Variants in CAMK2A observed in about 807,000 individuals in gnomAD.
CAMK2A encodes calcium/calmodulin dependent protein kinase II alpha, also known as calcium/calmodulin-dependent protein kinase type II subunit alpha.
CAMK2A carries 7 observed loss-of-function variants against 79.2 expected under a neutral mutation model. The observed-to-expected ratio is 0.09, with a 90% CI of 0.05 to 0.17. CAMK2A has a LOEUF of 0.17. CAMK2A is among the 10% of genes least tolerant of loss of function. The pLI, the probability that CAMK2A is intolerant of heterozygous loss-of-function variation, is 1.00. For missense variants in CAMK2A, 214 were observed against 646.4 expected (o/e 0.33, Z 7.25); for synonymous variants, 242 against 251.7 (o/e 0.96, Z 0.36).
At chr5:150,259,500 T>C (rs997483258) in intron 3 of CAMK2A, among the ~76,000 whole-genome samples, 6 of 151,898 alleles carry the variant, frequency 4.0e-5, no homozygotes, top group Non-Finnish European at 8.8e-5. Context: ...CCAGCCTAGA[T>C]AATAGAGTGA....
chr5:150,260,962 T>A (rs552226050), intron 3 of CAMK2A, among the ~76,000 whole-genome samples: 7 of 152,308 alleles, frequency 4.6e-5, no homozygotes, highest in African/African-American at 1.7e-4. Context: ...GAAGCCAAGC[T>A]GCAGCTAGAA....
At chr5:150,289,852 G>T, upstream of CAMK2A, 1 of 541,094 alleles carries the variant, frequency 1.8e-6, no homozygotes, top group Non-Finnish European at 3.3e-6. Context: ...CCTCCAAAAC[G>T]CCCTGTTCCC....
Position 150,272,526 on chromosome 5 carries a change from C to A in CAMK2A, c.157+539G>T, listed in dbSNP as rs533488565. ...GGCAGAGGTTGCAGTGAGCCAAGAT[C>A]GCACCATTGCACTCCAGCCTGGGCG... On this transcript the variant is annotated intron_variant, in intron 2 of 18. Transcript: ENST00000671881. 1.1e-3 allele frequency among the ~76,000 whole-genome samples: 164 copies of A among 150,246 alleles called. 3 individuals carry two copies. The highest frequency in any genetic ancestry group is 4.0e-3 in the African/African-American group (161 of 40,706).
chr5:150,249,776 G>A (rs1381445924), intron 11 of CAMK2A, among the ~76,000 whole-genome samples: 3 of 152,162 alleles, frequency 2.0e-5, no homozygotes, highest in African/African-American at 7.2e-5. Context: ...TTGAACTTCT[G>A]ACCTCAGGTG....
intron 3 of CAMK2A, among the ~76,000 whole-genome samples, chr5:150,259,823 G>A (rs992300041): frequency 6.6e-6 from 1 of 151,998 alleles, no homozygotes; most frequent in Non-Finnish European, 1.5e-5. Flanking sequence ...ACAAAAATTA[G>A]CTGGGTGTGG....
chr5:150,238,037 C>A (rs1057183041), intron 15 of CAMK2A, among the ~76,000 whole-genome samples: 11 of 152,184 alleles, frequency 7.2e-5, no homozygotes, highest in Admixed American at 7.2e-4. Flanking sequence ...AAAATCAATT[C>A]ACTTTTCAAA....
rs573791126 is a variant in CAMK2A, at chr5:150,257,499, G to A, written c.272+64C>T. On this transcript the variant is annotated intron_variant, in intron 4 of 18. Transcript: ENST00000671881. The stretch of plus-strand genomic sequence containing the variant: ...GGGAATTCAGCCCAAGAGGTCCAGT[G>A]AGGCCATCACTGGTTAGGCAGCCCC... The A allele has an allele frequency of 6.3e-5, 87 of 1,384,122 alleles. 2 individuals are homozygous for A. In the South Asian group the frequency reaches 1.1e-3, roughly 17 times the overall value. 85.7% of individuals were successfully genotyped at this position (1,384,122 alleles called of 1,614,324 possible). A position where few individuals can be genotyped will look rare whatever the true frequency, so the allele number is the denominator to read the frequency against.
At chr5:150,268,861 G>A (rs1756620290) in intron 2 of CAMK2A, among the ~76,000 whole-genome samples, 1 of 152,132 alleles carries the variant, frequency 6.6e-6, no homozygotes, top group South Asian at 2.1e-4. Context: ...CTGGGCTCAG[G>A]TGATTCTCCC....
chr5:150,226,746 G>C (rs370100997), intron 17 of CAMK2A, among the ~76,000 whole-genome samples: 62 of 86,984 alleles, frequency 7.1e-4, no homozygotes, highest in Non-Finnish European at 1.2e-3. Flanking sequence ...AAAAAAAAAG[G>C]GGGGGGGGGG....
At chr5:150,273,974 T>C (rs1437263802) in intron 1 of CAMK2A, among the ~76,000 whole-genome samples, 7 of 152,228 alleles carry the variant, frequency 4.6e-5, no homozygotes, top group Admixed American at 4.6e-4. Flanking sequence ...GGGGTAGGTG[T>C]TGTTTGCTGA....
At chr5:150,227,356 C>T (rs10073787) in intron 17 of CAMK2A, among the ~76,000 whole-genome samples, 13,872 of 152,202 alleles carry the variant, frequency 0.091, 2,061 homozygotes, top group African/African-American at 0.31. Context: ...AAAGAGCTCT[C>T]TCACTGTGCA....
At chr5:150,249,653 T>A (rs61625618) in intron 11 of CAMK2A, among the ~76,000 whole-genome samples, 7,268 of 152,008 alleles carry the variant, frequency 0.048, 563 homozygotes, top group African/African-American at 0.16. Flanking sequence ...GTTCAAGCAA[T>A]TTTCCTGCCT....
chr5:150,239,102 G>A (rs1216581854), intron 14 of CAMK2A, among the ~76,000 whole-genome samples: 6 of 152,174 alleles, frequency 3.9e-5, no homozygotes, highest in Non-Finnish European at 7.3e-5. Flanking sequence ...TACACTGGCA[G>A]GGGAGGAAGA....
chr5:150,262,377 A>G (rs986534735), intron 3 of CAMK2A, among the ~76,000 whole-genome samples: 1 of 152,136 alleles, frequency 6.6e-6, no homozygotes, highest in African/African-American at 2.4e-5. Flanking sequence ...GAAGATTACA[A>G]TTTTGAAGGA....
chr5:150,255,961 A>G (rs1756040017), intron 6 of CAMK2A, among the ~76,000 whole-genome samples: 1 of 152,212 alleles, frequency 6.6e-6, no homozygotes, highest in Non-Finnish European at 1.5e-5. Context: ...AGATCCATGA[A>G]GTCCCTGCTG....
At chr5:150,280,763 C>T (rs1393770354) in intron 1 of CAMK2A, among the ~76,000 whole-genome samples, 1 of 152,094 alleles carries the variant, frequency 6.6e-6, no homozygotes, top group East Asian at 1.9e-4. Context: ...GTTTCTGGGT[C>T]GCCGTGCTCT....
chr5:150,228,208 T>A lies in CAMK2A; in HGVS notation c.1221A>T (p.Arg407=), dbSNP rs1245587164. The change falls in exon 17 of 19, where the codon CGA becomes CGT. Residue 407 remains arginine, a synonymous_variant. Transcript: ENST00000671881. ...ATTGCTCACGGTTTTCAAAATAGAATCGATGGAAGTCCAGGCCCTCAACCA... is the reference window on the plus strand; with the variant it reads ...ATTGCTCACGGTTTTCAAAATAGAAACGATGGAAGTCCAGGCCCTCAACCA... ...GNLVEGLDFH[R]FYFENLWSRN... 1 of 1,613,116 alleles carries A rather than the reference T, an allele frequency of 6.2e-7. No homozygotes were observed. The highest frequency in any genetic ancestry group is 1.7e-5 in the Admixed American group (1 of 59,908).
intron 10 of CAMK2A, among the ~76,000 whole-genome samples, 171 bp from the exon 11 acceptor site, chr5:150,250,480 T>C (rs534485441): frequency 3.3e-5 from 5 of 152,296 alleles, no homozygotes; most frequent in South Asian, 2.1e-4. Context: ...GCACCAGACA[T>C]TCAATGCCAG....
intron 17 of CAMK2A, among the ~76,000 whole-genome samples, chr5:150,227,361 T>TGTGCAAACCC (rs1754650142): frequency 6.6e-6 from 1 of 152,228 alleles, no homozygotes; most frequent in Non-Finnish European, 1.5e-5. Context: ...GCTCTCTCAC[T>TGTGCAAACCC]GTGCAAACCC....
Sources: gnomAD v4.1 joint callset for allele counts (sites outside exome capture counted in the v4.1 genomes callset) on GRCh38, gnomAD v4.1.1 for gene constraint, MANE v1.5 for transcripts, NCBI Gene and HGNC (gene_info 2026-07-23, HGNC 2026-07-21) for gene names.